Variants in ERCC8 observed in about 807,000 individuals in gnomAD.
The protein encoded by ERCC8 is ERCC excision repair 8, CSA ubiquitin ligase complex subunit.
Under a neutral mutation model 54.9 loss-of-function variants are expected in ERCC8, and 52 were observed. The observed-to-expected ratio is 0.95, with a 90% CI of 0.76 to 1.19. The LOEUF (loss-of-function observed/expected upper bound fraction) is 1.19. ERCC8 is among the 50% of genes most tolerant of loss of function. The pLI is 0.00. For missense variants in ERCC8, 514 were observed against 466.1 expected, an observed-to-expected ratio of 1.10 and a Z score of -0.95; for synonymous variants, 146 against 157.2, an observed-to-expected ratio of 0.93 and a Z score of 0.53.
At chr5:60,904,607 T>C (rs1748997908) in intron 5 of ERCC8, among the ~76,000 whole-genome samples, 185 bp downstream of exon 5, 1 of 136,206 alleles carries the variant, frequency 7.3e-6, no homozygotes, top group Non-Finnish European at 1.6e-5. Flanking sequence ...GTACAATATC[T>C]GTTGAATATA....
In ERCC8 at chr5:60,893,416, CTTCT is replaced by C. The variant is rs886615492; in HGVS notation, c.844-2334_844-2331del. Reference sequence around the variant, plus strand: ...GCTTCTCCCTCATCTCCTCAACCCTCTTCTTTATTTCAGCCTCTCGATTGGCATG... The same window carrying C: ...GCTTCTCCCTCATCTCCTCAACCCTCTTATTTCAGCCTCTCGATTGGCATG... On this transcript the variant is annotated intron_variant, in intron 9 of 11. Coordinates refer to ENST00000676185, the MANE Select transcript of ERCC8 (RefSeq NM_000082.4). The C allele has an allele frequency of 3.7e-5, 34 of 909,062 alleles. No homozygotes were observed. In the Admixed American group the frequency reaches 5.7e-4, roughly 15 times the overall value. The allele number at this position is 909,062 out of a possible 1,614,324, so 56.3% of individuals were successfully genotyped here. A position where few individuals can be genotyped will look rare whatever the true frequency, so the allele number is the denominator to read the frequency against.
intron 11 of ERCC8, among the ~76,000 whole-genome samples, chr5:60,884,523 G>GTTTTTTTTTTTTTTTTTTTTT: frequency 7.8e-6 from 1 of 128,128 alleles, no homozygotes; most frequent in Non-Finnish European, 1.6e-5. Flanking sequence ...GTGTGTATGT[G>GTTTTTTTTTTTTTTTTTTTTT]TTTTTTTTTT....
At chr5:60,889,160 GCTAA>G (rs1748477688) in intron 10 of ERCC8, among the ~76,000 whole-genome samples, 1 of 152,220 alleles carries the variant, frequency 6.6e-6, no homozygotes, top group African/African-American at 2.4e-5. Flanking sequence ...TAACTGGGAT[GCTAA>G]CTTAGATTAT....
intron 4 of ERCC8, among the ~76,000 whole-genome samples, chr5:60,917,785 C>T (rs905275206): frequency 1.3e-5 from 2 of 151,982 alleles, no homozygotes; most frequent in Non-Finnish European, 2.9e-5. Flanking sequence ...GACCAAATGT[C>T]ATACAAACTA....
At chr5:60,893,219 G>T in intron 9 of ERCC8, 1 of 968,914 alleles carries the variant, frequency 1.0e-6, no homozygotes, top group Non-Finnish European at 1.7e-6. Flanking sequence ...CCACCTCACG[G>T]ACTCCTTGTA....
intron 9 of ERCC8, among the ~76,000 whole-genome samples, chr5:60,897,709 A>T (rs2112485242): frequency 6.6e-6 from 1 of 152,332 alleles, no homozygotes; most frequent in East Asian, 1.9e-4. Flanking sequence ...AATTCACTGT[A>T]AATTTTGTTT....
intron 9 of ERCC8, among the ~76,000 whole-genome samples, chr5:60,896,463 G>A (rs1471591151): frequency 6.6e-6 from 1 of 152,006 alleles, no homozygotes; most frequent in African/African-American, 2.4e-5. Context: ...ACCCACCTCC[G>A]CCTCCCAAAG....
intron 1 of ERCC8, among the ~76,000 whole-genome samples, chr5:60,935,377 T>C (rs1032366219): frequency 3.3e-5 from 5 of 152,330 alleles, no homozygotes; most frequent in Admixed American, 6.5e-5. Flanking sequence ...GACTTGTGTA[T>C]GTTAATTTTG....
intron 1 of ERCC8, among the ~76,000 whole-genome samples, chr5:60,938,060 T>C (rs1330050134): frequency 5.5e-5 from 1 of 18,204 alleles, no homozygotes. Context: ...TATATATATA[T>C]ATATATATAT....
At chr5:60,937,029 C>T (rs1034470009) in intron 1 of ERCC8, among the ~76,000 whole-genome samples, 2 of 152,188 alleles carry the variant, frequency 1.3e-5, no homozygotes, top group Non-Finnish European at 2.9e-5. Context: ...AGCCAAACTG[C>T]AGTGATTGTT....
chr5:60,932,486 C>T (rs1749936504), intron 1 of ERCC8, among the ~76,000 whole-genome samples: 1 of 152,172 alleles, frequency 6.6e-6, no homozygotes, highest in African/African-American at 2.4e-5. Flanking sequence ...CAGTAAAAAC[C>T]TTCAACATTG....
intron 4 of ERCC8, among the ~76,000 whole-genome samples, chr5:60,910,331 A>G (rs1356040215): frequency 6.6e-6 from 1 of 152,160 alleles, no homozygotes; most frequent in Non-Finnish European, 1.5e-5. Flanking sequence ...GAAGTCTTCC[A>G]ACTTCACTCT....
intron 4 of ERCC8, chr5:60,907,405 TGCAGTG>T (rs1479959091): frequency 6.7e-6 from 1 of 149,388 alleles, no homozygotes; most frequent in Admixed American, 6.7e-5. Flanking sequence ...CAGGCTGGTG[TGCAGTG>T]GCACGATCTT....
chr5:60,919,508 A>C (rs1334783007), intron 3 of ERCC8: 1 of 152,060 alleles, frequency 6.6e-6, no homozygotes, highest in African/African-American at 2.4e-5. Context: ...AACACAAAGA[A>C]GGAAAGTCTT....
intron 2 of ERCC8, among the ~76,000 whole-genome samples, chr5:60,923,444 A>G (rs1048174941): frequency 6.6e-6 from 1 of 152,094 alleles, no homozygotes; most frequent in Non-Finnish European, 1.5e-5. Flanking sequence ...TTGTCTAAAA[A>G]TCATCTTTAA....
At chr5:60,876,013 T>A (rs1402774840) in intron 11 of ERCC8, among the ~76,000 whole-genome samples, 1 of 152,174 alleles carries the variant, frequency 6.6e-6, no homozygotes, top group African/African-American at 2.4e-5. Context: ...TATCTCCTAA[T>A]GCTATCCCTC....
In ERCC8 at chr5:60,890,908, A is replaced by G. The variant is rs369317106; in HGVS notation, c.1022T>C (p.Val341Ala). The change falls in exon 10 of 12, where the codon GTA becomes GCA. Residue 341 changes from valine (V) to alanine (A), a missense_variant. Physicochemically the swap from Val to Ala is moderately conservative, Grantham distance 64. Coordinates refer to ENST00000676185, the MANE Select transcript of ERCC8 (RefSeq NM_000082.4). The stretch of plus-strand genomic sequence containing the variant: ...TCTTACCTGGAAATTTGACTGAAAT[A>G]CACAGCAGTCAACAGTTTTATAATG... ...KGHYKTVDCC[V>A]FQSNFQELYS... The G allele has an allele frequency of 5.6e-6, 9 of 1,613,058 alleles. No homozygotes were observed. Among genetic ancestry groups the G allele is most frequent in the Non-Finnish European group, 6.8e-6 (8 of 1,179,364 alleles).
In ERCC8 at chr5:60,871,188, G is replaced by A. The variant is rs1350861923; in HGVS notation, c.*3427C>T. Among the ~76,000 whole-genome samples, 1 of 152,150 alleles carries A rather than the reference G, an allele frequency of 6.6e-6. No homozygotes were observed. Among genetic ancestry groups the A allele is most frequent in the Admixed American group, 6.6e-5 (1 of 15,264 alleles). ...AATATACCAAGAAAAATATAGTACA[G>A]TTCCAAGTCTTCACTAATAAACATG... is the stretch of plus-strand genomic sequence containing the variant. On this transcript the variant is annotated 3_prime_UTR_variant, in exon 12 of 12. Coordinates refer to ENST00000676185, the MANE Select transcript of ERCC8 (RefSeq NM_000082.4).
chr5:60,877,557 G>A (rs1298221584), intron 11 of ERCC8, among the ~76,000 whole-genome samples: 1 of 152,182 alleles, frequency 6.6e-6, no homozygotes, highest in Non-Finnish European at 1.5e-5. Context: ...TCCTTGAGCA[G>A]TGGTTTGTAG....
Sources: gnomAD v4.1 joint callset for allele counts (sites outside exome capture counted in the v4.1 genomes callset) on GRCh38, gnomAD v4.1.1 for gene constraint, MANE v1.5 for transcripts, NCBI Gene and HGNC (gene_info 2026-07-23, HGNC 2026-07-21) for gene names.